The following DLG1 variants were observed in gnomAD, a reference collection of about 807,000 sequenced individuals.
DLG1 encodes discs large MAGUK scaffold protein 1.
Under a neutral mutation model 123.4 loss-of-function variants are expected in DLG1, and 42 were observed. The ratio of observed to expected loss-of-function variants is 0.34; its 90% confidence interval spans 0.27 to 0.44. The LOEUF (loss-of-function observed/expected upper bound fraction) is 0.44, where lower values mean the gene tolerates loss of function less well. DLG1 is among the 20% of genes least tolerant of loss of function. The pLI, the probability that DLG1 is intolerant of heterozygous loss-of-function variation, is 1.00. For synonymous variants in DLG1, 317 were observed against 356.2 expected (o/e 0.89, Z 1.24); for missense variants, 942 against 1,082.6 (o/e 0.87, Z 1.82).
At chr3:197,225,101 C>T (rs1334008289) in intron 4 of DLG1, among the ~76,000 whole-genome samples, 1 of 152,206 alleles carries the variant, frequency 6.6e-6, no homozygotes, top group African/African-American at 2.4e-5. Flanking sequence ...GGACTACAGG[C>T]ACCCGCCACC....
At chr3:197,281,767 A>G (rs1472294777) in intron 4 of DLG1, among the ~76,000 whole-genome samples, 1 of 152,216 alleles carries the variant, frequency 6.6e-6, no homozygotes, top group African/African-American at 2.4e-5. Flanking sequence ...GGGTCAAGTT[A>G]TTCTATTATG....
chr3:197,217,476 A>G (rs1170319207), intron 4 of DLG1, among the ~76,000 whole-genome samples: 1 of 152,230 alleles, frequency 6.6e-6, no homozygotes, highest in Non-Finnish European at 1.5e-5. Context: ...AAATGGATAT[A>G]TATTTCATGT....
chr3:197,144,662 C>T (rs939241184), intron 6 of DLG1, among the ~76,000 whole-genome samples: 1 of 152,124 alleles, frequency 6.6e-6, no homozygotes, highest in African/African-American at 2.4e-5. Flanking sequence ...ATATAGGGAC[C>T]AGGAGTTTCT....
intron 18 of DLG1, among the ~76,000 whole-genome samples, chr3:197,073,803 AT>A (rs557496759): frequency 0.013 from 1,985 of 149,374 alleles, 39 homozygotes; most frequent in African/African-American, 0.046. Flanking sequence ...GCAGATATAC[AT>A]TTTTTTTTTC....
At chr3:197,292,657 T>C (rs1158380606) in intron 3 of DLG1, among the ~76,000 whole-genome samples, 1 of 152,230 alleles carries the variant, frequency 6.6e-6, no homozygotes, top group African/African-American at 2.4e-5. Context: ...TTATAAGGGC[T>C]AGTGAAACTA....
chr3:197,138,912 T>A (rs1786472938), intron 8 of DLG1, among the ~76,000 whole-genome samples: 2 of 152,102 alleles, frequency 1.3e-5, no homozygotes, highest in African/African-American at 4.8e-5. Flanking sequence ...ATAAGAAAAC[T>A]GAGGCTCACA....
At chr3:197,260,016 C>A (rs544764818) in intron 4 of DLG1, among the ~76,000 whole-genome samples, 17 of 152,246 alleles carry the variant, frequency 1.1e-4, no homozygotes, top group Admixed American at 9.2e-4. Flanking sequence ...ACCCTTGCTG[C>A]TGGGAGAAAG....
chr3:197,117,875 G>T (rs1255599782), intron 12 of DLG1, among the ~76,000 whole-genome samples: 2 of 152,022 alleles, frequency 1.3e-5, no homozygotes, highest in Non-Finnish European at 2.9e-5. Context: ...ACCACAAATT[G>T]TATACTTTAA....
At chr3:197,117,589 T>C (rs1205721815) in intron 12 of DLG1, among the ~76,000 whole-genome samples, 2 of 152,196 alleles carry the variant, frequency 1.3e-5, no homozygotes, top group East Asian at 1.9e-4. Flanking sequence ...ACAAATATTA[T>C]ACAGTTCCAC....
chr3:197,171,233 A>C (rs1400322749), intron 5 of DLG1, among the ~76,000 whole-genome samples: 1 of 152,184 alleles, frequency 6.6e-6, no homozygotes, highest in Non-Finnish European at 1.5e-5. Context: ...AGATTTATAA[A>C]AACTCTGCTT....
chr3:197,091,172 CACAT>C, intron 14 of DLG1, 146 bp from the exon 15 acceptor site: 1 of 512,852 alleles, frequency 1.9e-6, no homozygotes, highest in Non-Finnish European at 3.4e-6. Flanking sequence ...TTTTGCCCAA[CACAT>C]AAATTTCAAA....
At chr3:197,072,845 C>T (rs1479107710) in intron 18 of DLG1, among the ~76,000 whole-genome samples, 1 of 152,090 alleles carries the variant, frequency 6.6e-6, no homozygotes, top group Admixed American at 6.5e-5. Context: ...TACAGGTGTG[C>T]ACCACCATGC....
At chr3:197,206,286 CTT>C (rs1561450761) in intron 4 of DLG1, among the ~76,000 whole-genome samples, 1 of 152,058 alleles carries the variant, frequency 6.6e-6, no homozygotes. Context: ...AAAAATAACT[CTT>C]AATTATGTAA....
intron 4 of DLG1, among the ~76,000 whole-genome samples, chr3:197,262,974 C>A (rs1348786619): frequency 1.3e-5 from 2 of 152,108 alleles, no homozygotes; most frequent in African/African-American, 4.8e-5. Context: ...CTTTTCCCCA[C>A]CCCACCCCTG....
chr3:197,048,138 A>G (rs1724697979), intron 24 of DLG1, among the ~76,000 whole-genome samples: 1 of 152,224 alleles, frequency 6.6e-6, no homozygotes, highest in Admixed American at 6.5e-5. Flanking sequence ...AGGTATCAGT[A>G]AAAGTGCTCA....
At chr3:197,061,477 G>GA (rs1054651166) in intron 22 of DLG1, among the ~76,000 whole-genome samples, 5 of 152,106 alleles carry the variant, frequency 3.3e-5, no homozygotes, top group Non-Finnish European at 7.4e-5. Flanking sequence ...TTCCTTATTG[G>GA]AAAAGAGTAA....
intron 4 of DLG1, among the ~76,000 whole-genome samples, chr3:197,236,454 GATAAA>G (rs1214663151): frequency 1.3e-5 from 2 of 152,106 alleles, no homozygotes. Flanking sequence ...TGACCTACAA[GATAAA>G]ATAAAGACCA....
At position 197,180,220 on chromosome 3, in the gene DLG1, A is replaced by T. The variant is rs368646155; in HGVS notation, c.483+14205T>A. On this transcript the variant is annotated intron_variant, in intron 5 of 24. Transcript: ENST00000667157. ...TCATATGATTACTACTGACATTAATAAACGTCGATATCACTAAGTAAATAA... is the reference window on the plus strand; with the variant it reads ...TCATATGATTACTACTGACATTAATTAACGTCGATATCACTAAGTAAATAA... 6.0e-4 allele frequency among the ~76,000 whole-genome samples: 91 copies of T among 152,330 alleles called. 2 individuals carry two copies. The South Asian group carries it at 0.018, about 30-fold the overall frequency.
intron 14 of DLG1, among the ~76,000 whole-genome samples, chr3:197,096,603 T>C (rs1760797355): frequency 6.6e-6 from 1 of 152,264 alleles, no homozygotes; most frequent in South Asian, 2.1e-4. Context: ...CTATTTTTGC[T>C]TTACAAATTT....
Sources: gnomAD v4.1 joint callset for allele counts (sites outside exome capture counted in the v4.1 genomes callset) on GRCh38, gnomAD v4.1.1 for gene constraint, MANE v1.5 for transcripts, NCBI Gene and HGNC (gene_info 2026-07-23, HGNC 2026-07-21) for gene names.